The following XRRA1 variants were observed in gnomAD, a reference collection of about 807,000 sequenced individuals.
XRRA1 encodes the protein X-ray radiation resistance associated 1.
Under a neutral mutation model 80.2 loss-of-function variants are expected in XRRA1, and 69 were observed. The ratio of observed to expected loss-of-function variants is 0.86; its 90% CI spans 0.71 to 1.05. The LOEUF is 1.05. Ranked by LOEUF, XRRA1 falls within the 50% of genes least tolerant of loss-of-function variation. XRRA1 has a pLI of 0.00. For synonymous variants in XRRA1, 348 were observed against 389.9 expected, an observed-to-expected ratio of 0.89 and a Z score of 1.27; for missense variants, 967 against 976.4, an observed-to-expected ratio of 0.99 and a Z score of 0.13.
intron 7 of XRRA1, among the ~76,000 whole-genome samples, chr11:74,926,036 C>T (rs1192612294): frequency 6.6e-6 from 1 of 152,158 alleles, no homozygotes; most frequent in Non-Finnish European, 1.5e-5. Flanking sequence ...AAAAAAAATG[C>T]ATCAGTTGTT....
chr11:74,883,801 G>A (rs993587532), intron 10 of XRRA1, among the ~76,000 whole-genome samples: 1 of 152,158 alleles, frequency 6.6e-6, no homozygotes, highest in Non-Finnish European at 1.5e-5. Context: ...CTCCTCAGGG[G>A]GGAAATATGA....
chr11:74,843,630 C>T (rs1309407480), intron 18 of XRRA1, 177 bp from the exon 19 acceptor site: 4 of 892,892 alleles, frequency 4.5e-6, no homozygotes, highest in Non-Finnish European at 6.7e-6. Context: ...TGCCCCTATG[C>T]ATTGACTCTA....
chr11:74,877,961 C>T (rs891825425), intron 10 of XRRA1, among the ~76,000 whole-genome samples: 1 of 151,942 alleles, frequency 6.6e-6, no homozygotes, highest in Non-Finnish European at 1.5e-5. Context: ...GATTTATAAT[C>T]CTTTGGGTAT....
At chr11:74,929,025 T>C (rs907350572) in intron 6 of XRRA1, among the ~76,000 whole-genome samples, 1 of 152,190 alleles carries the variant, frequency 6.6e-6, no homozygotes, top group Non-Finnish European at 1.5e-5. Flanking sequence ...CCTTTTCATA[T>C]ACCTATTGGC....
At chr11:74,904,891 TAA>T (rs35880400) in intron 10 of XRRA1, among the ~76,000 whole-genome samples, 25 of 70,030 alleles carry the variant, frequency 3.6e-4, no homozygotes, top group Non-Finnish European at 5.6e-4. Context: ...AACTTCACAG[TAA>T]AAAAAAAAAA....
chr11:74,882,648 CT>C (rs1276727102), intron 10 of XRRA1, among the ~76,000 whole-genome samples: 1 of 152,078 alleles, frequency 6.6e-6, no homozygotes, highest in Non-Finnish European at 1.5e-5. Flanking sequence ...GTTTTATCTA[CT>C]TTTGGTCTTT....
intron 10 of XRRA1, chr11:74,863,453 G>C (rs1176172988): frequency 1.2e-5 from 2 of 163,842 alleles, no homozygotes; most frequent in Non-Finnish European, 2.6e-5. Flanking sequence ...AATGTATATA[G>C]AAGACATTCT....
At chr11:74,918,299 A>AGTGTGTGTGTGTGTGTGT (rs35763136) in intron 8 of XRRA1, among the ~76,000 whole-genome samples, 2 of 150,050 alleles carry the variant, frequency 1.3e-5, no homozygotes, top group South Asian at 4.2e-4. Context: ...TTCCTTCCTT[A>AGTGTGTGTGTGTGTGTGT]GTGTGTGTGT....
At position 74,920,005 on chromosome 11, in the gene XRRA1, G is replaced by C. The variant is rs602411; in HGVS notation, c.656+1209C>G. 1.1e-4 allele frequency: 14 copies of C among 130,822 alleles called. No homozygotes were observed. In the South Asian group the frequency reaches 1.4e-3, roughly 13 times the overall value. The allele number at this position is 130,822 out of a possible 1,614,324, so 8.1% of individuals were successfully genotyped here. ...CTATATCAAACAAAGTTATAAAACT[G>C]CAAAAAAAAAAAAAAAAATGAAGCC... On this transcript the variant is annotated intron_variant, in intron 8 of 18. Transcript: ENST00000684022.
chr11:74,852,053 T>C lies in XRRA1; in HGVS notation c.1200A>G (p.Val400=), dbSNP rs781654221. Residue 400 remains valine (V), a synonymous_variant, in exon 13 of 19, where the codon GTA becomes GTG. Transcript: ENST00000684022. ...ACTCGCAGAGAGATGGGAAGAGAGC[T>C]ACTGGTAGGACAGCATCCTCTTTTG... ...KIAKEDAVLP[V]ALFPSLCEFV... 9.3e-6 allele frequency: 15 copies of C among 1,613,936 alleles called. No individual in the cohort carries two copies. Among genetic ancestry groups the C allele is most frequent in the Non-Finnish European group, 1.3e-5 (15 of 1,179,848 alleles).
intron 10 of XRRA1, among the ~76,000 whole-genome samples, chr11:74,879,728 G>A (rs1050155327): frequency 2.0e-5 from 3 of 148,180 alleles, no homozygotes; most frequent in African/African-American, 7.5e-5. Flanking sequence ...ATAATCATGT[G>A]GTTTTTGTCT....
intron 18 of XRRA1, 119 bp downstream of exon 18, chr11:74,843,735 A>G: frequency 1.1e-6 from 1 of 930,578 alleles, no homozygotes; most frequent in South Asian, 1.6e-5. Flanking sequence ...ACATGTAGAG[A>G]CTGATGTAGG....
rs1449780761 is a variant in XRRA1, at chr11:74,852,054, A to G, written c.1199T>C (p.Val400Ala). 1.2e-6 allele frequency: 2 copies of G among 1,613,948 alleles called. No homozygotes were observed. Among genetic ancestry groups the G allele is most frequent in the Non-Finnish European group, 1.7e-6 (2 of 1,179,856 alleles). The stretch of plus-strand genomic sequence containing the variant: ...CTCGCAGAGAGATGGGAAGAGAGCT[A>G]CTGGTAGGACAGCATCCTCTTTTGC... The part of the protein sequence containing the change: ...KIAKEDAVLP[V>A]ALFPSLCEFV... The change falls in exon 13 of 19, where the codon GTA (valine) becomes GCA (alanine). Residue 400 changes from valine (V) to alanine (A), a missense_variant. By Grantham distance (64) the Val-to-Ala change is moderately conservative. Transcript: ENST00000684022.
intron 10 of XRRA1, among the ~76,000 whole-genome samples, chr11:74,884,208 C>T (rs2048451098): frequency 6.6e-6 from 1 of 152,130 alleles, no homozygotes; most frequent in South Asian, 2.1e-4. Flanking sequence ...CCTGAAAAAT[C>T]AAGCTGCAAA....
At chr11:74,927,597 T>C in intron 6 of XRRA1, 109 bp from the exon 7 acceptor site, 1 of 670,712 alleles carries the variant, frequency 1.5e-6, no homozygotes, top group Admixed American at 2.8e-5. Flanking sequence ...AGGCACTGTA[T>C]AAGGTACTTT....
At chr11:74,905,849 C>G (rs1356370433) in intron 10 of XRRA1, among the ~76,000 whole-genome samples, 2 of 152,122 alleles carry the variant, frequency 1.3e-5, no homozygotes, top group Non-Finnish European at 2.9e-5. Flanking sequence ...GTGTCAGGAG[C>G]ACCTCTTCCA....
chr11:74,852,209 T>C, intron 12 of XRRA1, 127 bp from the exon 13 acceptor site: 1 of 730,138 alleles, frequency 1.4e-6, no homozygotes, highest in Non-Finnish European at 2.4e-6. Flanking sequence ...TAAGACATGC[T>C]GCTGTGGATG....
intron 3 of XRRA1, among the ~76,000 whole-genome samples, chr11:74,939,236 C>T (rs181156608): frequency 6.6e-6 from 1 of 152,064 alleles, no homozygotes; most frequent in African/African-American, 2.4e-5. Flanking sequence ...CCTGTAATCC[C>T]AACTACTCAG....
chr11:74,895,229 G>C (rs963368701), intron 10 of XRRA1, among the ~76,000 whole-genome samples: 1 of 152,236 alleles, frequency 6.6e-6, no homozygotes, highest in African/African-American at 2.4e-5. Flanking sequence ...AAGCCATGTG[G>C]TGCAGAGACA....
Sources: allele counts gnomAD v4.1 joint callset (sites outside exome capture counted in the v4.1 genomes callset), GRCh38; gene constraint gnomAD v4.1.1; transcripts MANE v1.5; gene names NCBI Gene and HGNC (gene_info 2026-07-23, HGNC 2026-07-21).